NADSYN1: variants seen among roughly 807,000 people sequenced by gnomAD.
NADSYN1 encodes glutamine-dependent NAD(+) synthetase.
Under a neutral mutation model 99.3 loss-of-function variants are expected in NADSYN1, and 80 were observed. The observed-to-expected ratio is 0.81, with a 90% CI of 0.67 to 0.97. The LOEUF (loss-of-function observed/expected upper bound fraction) is 0.97, where lower values mean the gene tolerates loss of function less well. NADSYN1 is among the 50% of genes least tolerant of loss of function. The pLI, the probability that NADSYN1 is intolerant of heterozygous loss-of-function variation, is 0.00. For missense variants in NADSYN1, 859 were observed against 948.5 expected, an observed-to-expected ratio of 0.91 and a Z score of 1.24; for synonymous variants, 385 against 372.1, an observed-to-expected ratio of 1.03 and a Z score of -0.40.
intron 5 of NADSYN1, among the ~76,000 whole-genome samples, chr11:71,471,456 T>C (rs1334090927): frequency 6.6e-6 from 1 of 152,162 alleles, no homozygotes; most frequent in Non-Finnish European, 1.5e-5. Context: ...ATCCTCAAGG[T>C]GTGCGCTGGC....
At chr11:71,477,137 C>T in intron 9 of NADSYN1, 1 of 1,139,046 alleles carries the variant, frequency 8.8e-7, no homozygotes, top group Non-Finnish European at 1.1e-6. Flanking sequence ...TGCCGATCAC[C>T]CCCGTCGGGC....
At chr11:71,458,602 A>G (rs2276361) in intron 3 of NADSYN1, 58 bp downstream of exon 3, 834,309 of 1,267,238 alleles carry the variant, frequency 0.66, 294,258 homozygotes, top group Non-Finnish European at 0.76. Flanking sequence ...GCTCAAGGGC[A>G]TGACCCACCC....
chr11:71,461,130 T>C (rs147720047), intron 3 of NADSYN1, among the ~76,000 whole-genome samples: 1 of 152,362 alleles, frequency 6.6e-6, no homozygotes, highest in East Asian at 1.9e-4. Flanking sequence ...AAAAATCCTT[T>C]TCCTGGTGCG....
intron 16 of NADSYN1, among the ~76,000 whole-genome samples, chr11:71,488,712 C>T (rs57557229): frequency 0.083 from 12,617 of 152,014 alleles, 628 homozygotes; most frequent in African/African-American, 0.14. Context: ...GCAGTGGCAC[C>T]GTCACAGCTC....
Position 71,464,158 on chromosome 11 carries a change from G to T in NADSYN1, c.407+16G>T. 1.3e-6 allele frequency: 2 copies of T among 1,590,016 alleles called. No individual in the cohort carries two copies. Among genetic ancestry groups the T allele is most frequent in the Non-Finnish European group, 1.7e-6 (2 of 1,166,108 alleles). On this transcript the variant is annotated intron_variant, in intron 5 of 20. Transcript: ENST00000319023. Reference sequence around the variant, plus strand: ...CGAGGAGTCGGTGAGTCGGGTGCCTGACCACTCCTGGGATGTGCGTTAAGC... The same window carrying T: ...CGAGGAGTCGGTGAGTCGGGTGCCTTACCACTCCTGGGATGTGCGTTAAGC...
intron 18 of NADSYN1, among the ~76,000 whole-genome samples, chr11:71,493,190 G>A (rs138553365): frequency 1.8e-3 from 269 of 152,234 alleles, no homozygotes; most frequent in African/African-American, 6.1e-3. Context: ...CACTGAGCCC[G>A]GCCTCTAATG....
intron 2 of NADSYN1, among the ~76,000 whole-genome samples, chr11:71,456,745 G>A (rs1949517301): frequency 6.6e-6 from 1 of 152,010 alleles, no homozygotes; most frequent in African/African-American, 2.4e-5. Flanking sequence ...CATCCAGCAG[G>A]GACAGGGGCC....
At chr11:71,460,802 T>C (rs1949545664) in intron 3 of NADSYN1, 1 of 152,250 alleles carries the variant, frequency 6.6e-6, no homozygotes, top group African/African-American at 2.4e-5. Flanking sequence ...CCTGCATCGT[T>C]TCTTCAAACG....
At chr11:71,487,846 A>AAAAAG (rs1285880827) in intron 16 of NADSYN1, among the ~76,000 whole-genome samples, 6 of 148,710 alleles carry the variant, frequency 4.0e-5, no homozygotes, top group East Asian at 2.0e-4. Context: ...AAAAAAAAAA[A>AAAAAG]AAAAGAAAAG....
intron 18 of NADSYN1, among the ~76,000 whole-genome samples, chr11:71,493,238 G>A (rs1949795844): frequency 6.6e-6 from 1 of 152,088 alleles, no homozygotes; most frequent in African/African-American, 2.4e-5. Context: ...CAGAATTTAA[G>A]GTTGCACTTC....
intron 18 of NADSYN1, among the ~76,000 whole-genome samples, chr11:71,494,959 A>G (rs1047382272): frequency 6.8e-6 from 1 of 146,648 alleles, no homozygotes; most frequent in African/African-American, 2.5e-5. Context: ...AGGTTTGTCA[A>G]TTTTTTTTTT....
chr11:71,470,125 A>C (rs144796611), intron 5 of NADSYN1, among the ~76,000 whole-genome samples: 123 of 152,362 alleles, frequency 8.1e-4, no homozygotes, highest in African/African-American at 2.7e-3. Context: ...AGAGCCAAGC[A>C]AAAAGGGAAA....
chr11:71,466,354 C>T (rs1203160574), intron 5 of NADSYN1, among the ~76,000 whole-genome samples: 2 of 152,212 alleles, frequency 1.3e-5, no homozygotes, highest in Non-Finnish European at 2.9e-5. Context: ...CTTTCCCTGT[C>T]CCCTGTCTCC....
intron 3 of NADSYN1, among the ~76,000 whole-genome samples, chr11:71,461,250 C>G (rs755333904): frequency 3.9e-5 from 6 of 152,116 alleles, no homozygotes; most frequent in Non-Finnish European, 5.9e-5. Context: ...TAGTGGCTTA[C>G]TCCACTTAGA....
At chr11:71,495,576 T>C (rs1949813579) in intron 18 of NADSYN1, among the ~76,000 whole-genome samples, 1 of 152,240 alleles carries the variant, frequency 6.6e-6, no homozygotes. Context: ...TCCTTGTTGA[T>C]TTTTCATCTT....
intron 19 of NADSYN1, among the ~76,000 whole-genome samples, chr11:71,497,920 G>A (rs2298775): frequency 0.015 from 2,209 of 152,300 alleles, 61 homozygotes; most frequent in East Asian, 0.06. Context: ...GAGTCTTGCT[G>A]GGGCTGAAGC....
intron 9 of NADSYN1, among the ~76,000 whole-genome samples, chr11:71,478,027 A>G (rs968730306): frequency 2.0e-5 from 3 of 151,586 alleles, no homozygotes; most frequent in African/African-American, 2.4e-5. Flanking sequence ...TGTCTTACTG[A>G]CAGGGGTGTG....
chr11:71,475,690 G>T, intron 9 of NADSYN1: 1 of 232,164 alleles, frequency 4.3e-6, no homozygotes, highest in Non-Finnish European at 8.6e-6. Context: ...AAGTCCTTGG[G>T]GAGGTTTGGG....
In NADSYN1 at chr11:71,475,429, G is replaced by A. The variant is rs1388492495; in HGVS notation, c.798+903G>A. ...TATCCCGAAGCGACACAGATATGTG[G>A]GTGCTCCGAGGAAGGAGATGACAGA... On this transcript the variant is annotated intron_variant, in intron 9 of 20. Coordinates refer to ENST00000319023, the MANE Select transcript of NADSYN1 (RefSeq NM_018161.5). The A allele has an allele frequency of 2.0e-5, 3 of 153,118 alleles. No homozygotes were observed. The East Asian group carries it at 5.8e-4, about 29-fold the overall frequency. The allele number at this position is 153,118 out of a possible 1,614,324, so 9.5% of individuals were successfully genotyped here. A position where few individuals can be genotyped will look rare whatever the true frequency, so the allele number is the denominator to read the frequency against.
Sources: allele counts gnomAD v4.1 joint callset (sites outside exome capture counted in the v4.1 genomes callset), GRCh38; gene constraint gnomAD v4.1.1; transcripts MANE v1.5; gene names NCBI Gene and HGNC (gene_info 2026-07-23, HGNC 2026-07-21).